The following SLC7A2 variants were observed in gnomAD, a reference collection of about 807,000 sequenced individuals.
The protein encoded by SLC7A2 is solute carrier family 7 member 2, also known as cationic amino acid transporter 2.
SLC7A2 carries 48 observed loss-of-function variants against 58.9 expected under a neutral mutation model. That is an observed-to-expected ratio of 0.82 (90% CI 0.65 to 1.04). The LOEUF (loss-of-function observed/expected upper bound fraction) is 1.04, where lower values mean the gene tolerates loss of function less well. SLC7A2 is among the 50% of genes least tolerant of loss of function. SLC7A2 has a pLI of 0.00. For missense variants in SLC7A2, 1,029 were observed against 818.8 expected, an observed-to-expected ratio of 1.26 and a Z score of -3.13; for synonymous variants, 363 against 314.5, an observed-to-expected ratio of 1.15 and a Z score of -1.63.
Position 17,568,858 on chromosome 8 carries a change from G to C in SLC7A2, c.*3712G>C, listed in dbSNP as rs1301100732. The C allele has an allele frequency of 6.6e-6, 1 of 152,310 alleles. No homozygotes were observed. Among genetic ancestry groups the C allele is most frequent in the Non-Finnish European group, 1.5e-5 (1 of 68,120 alleles). 9.4% of individuals were successfully genotyped at this position (152,310 alleles called of 1,614,324 possible). On this transcript the variant is annotated 3_prime_UTR_variant, in exon 13 of 13. Transcript: ENST00000494857. Reference sequence around the variant, plus strand: ...ATGCACATGTAGTCAGAGCTACTGGGGGTGCTGAGGTGGGAGGATCGCTTG... The same window carrying C: ...ATGCACATGTAGTCAGAGCTACTGGCGGTGCTGAGGTGGGAGGATCGCTTG...
intron 2 of SLC7A2, 137 bp from the exon 3 acceptor site, chr8:17,543,181 A>G: frequency 1.3e-6 from 1 of 787,008 alleles, no homozygotes; most frequent in South Asian, 2.2e-5. Flanking sequence ...ATCTCTTCTA[A>G]CAAGTGAAAC....
intron 2 of SLC7A2, among the ~76,000 whole-genome samples, chr8:17,528,259 A>G (rs73666181): frequency 0.01 from 1,574 of 152,244 alleles, 31 homozygotes; most frequent in African/African-American, 0.037. Context: ...AGTAGACAAA[A>G]TGGAGGACTA....
At chr8:17,535,189 A>C (rs1222921805) in intron 2 of SLC7A2, among the ~76,000 whole-genome samples, 2 of 152,022 alleles carry the variant, frequency 1.3e-5, no homozygotes, top group African/African-American at 4.8e-5. Flanking sequence ...AGCTCTGCTT[A>C]CCTCTGGCTT....
chr8:17,561,814 G>A (rs146944021), intron 10 of SLC7A2, 130 bp from the exon 11 acceptor site: 12,264 of 808,604 alleles, frequency 0.015, 349 homozygotes, highest in Admixed American at 0.096. Context: ...AGGGCAAGGC[G>A]AAGACTCTTT....
chr8:17,544,876 A>T (rs945225771), intron 4 of SLC7A2, among the ~76,000 whole-genome samples: 2 of 152,196 alleles, frequency 1.3e-5, no homozygotes, highest in Admixed American at 1.3e-4. Context: ...GATTTTTTAA[A>T]TCGTTAATTG....
chr8:17,533,171 G>C (rs553575030), intron 2 of SLC7A2, among the ~76,000 whole-genome samples: 2 of 152,126 alleles, frequency 1.3e-5, no homozygotes, highest in East Asian at 3.9e-4. Context: ...TCTGAAGCCA[G>C]TATGAACTTG....
At chr8:17,501,984 T>C (rs1800179542) in intron 1 of SLC7A2, among the ~76,000 whole-genome samples, 1 of 152,044 alleles carries the variant, frequency 6.6e-6, no homozygotes, top group Admixed American at 6.6e-5. Flanking sequence ...TTCTTACTAG[T>C]TTTTCCCACA....
Position 17,548,829 on chromosome 8 carries a change from A to G in SLC7A2, c.684A>G (p.Ile228Met). The change falls in exon 5 of 13, where the codon ATA (isoleucine) becomes ATG (methionine). Residue 228 changes from isoleucine (I) to methionine (M), a missense_variant. Coordinates refer to ENST00000494857, the MANE Select transcript of SLC7A2 (RefSeq NM_001370338.1). ...TTAGTGAAGAGTTTCTCAAAAATAT[A>G]TCAGCAAGTGCCAGGTAAAATATTT... ...WKISEEFLKN[I>M]SASAREPPSE... is the part of the protein sequence containing the mutation. 3 of 1,605,084 alleles carry G rather than the reference A, an allele frequency of 1.9e-6. No individual in the cohort carries two copies. The highest frequency in any genetic ancestry group is 2.5e-6 in the Non-Finnish European group (3 of 1,178,118).
At chr8:17,529,283 T>C (rs1801341045) in intron 2 of SLC7A2, among the ~76,000 whole-genome samples, 1 of 152,184 alleles carries the variant, frequency 6.6e-6, no homozygotes, top group Non-Finnish European at 1.5e-5. Context: ...TCTTCCCTTT[T>C]CTTAATGTTC....
intron 3 of SLC7A2, 116 bp downstream of exon 3, chr8:17,543,831 A>C: frequency 1.1e-6 from 1 of 911,658 alleles, no homozygotes; most frequent in Non-Finnish European, 1.6e-6. Context: ...TGTGTGTCTC[A>C]TTTTTGTCAT....
intron 10 of SLC7A2, 125 bp from the exon 11 acceptor site, chr8:17,561,819 C>T (rs1375184307): frequency 4.7e-6 from 4 of 844,064 alleles, no homozygotes; most frequent in Non-Finnish European, 7.5e-6. Context: ...AAGGCGAAGA[C>T]TCTTTGTATT....
Position 17,515,511 on chromosome 8 carries a change from G to T in SLC7A2, c.-23+13209G>T, listed in dbSNP as rs113566748. On this transcript the variant is annotated intron_variant, in intron 2 of 12. Transcript: ENST00000494857. ...GGGTTTCACCATGTTGGCCAGGATGGTTTTGATCTCCTGACCTCGTGATCT... is the reference window on the plus strand; with the variant it reads ...GGGTTTCACCATGTTGGCCAGGATGTTTTTGATCTCCTGACCTCGTGATCT... Among the ~76,000 whole-genome samples the T allele has an allele frequency of 1.6e-3, 251 of 152,162 alleles. 1 individual carries two copies. The highest frequency in any genetic ancestry group is 5.5e-3 in the African/African-American group (229 of 41,510).
intron 11 of SLC7A2, 103 bp from the exon 12 acceptor site, chr8:17,563,500 G>C (rs1803119197): frequency 1.4e-6 from 1 of 707,326 alleles, no homozygotes; most frequent in African/African-American, 1.8e-5. Context: ...GATTGACGTG[G>C]TGTGAAAGTA....
intron 2 of SLC7A2, among the ~76,000 whole-genome samples, chr8:17,528,712 A>T (rs1801319650): frequency 2.6e-5 from 4 of 152,156 alleles, no homozygotes; most frequent in Admixed American, 2.6e-4. Flanking sequence ...CCTGGTCATT[A>T]CACTTTGAAT....
intron 2 of SLC7A2, among the ~76,000 whole-genome samples, chr8:17,518,487 C>A (rs1800887988): frequency 1.3e-5 from 2 of 152,188 alleles, no homozygotes; most frequent in African/African-American, 4.8e-5. Context: ...TGGCAGTTAA[C>A]ACTTTGCTCA....
chr8:17,512,551 C>G (rs1387972755), intron 2 of SLC7A2, among the ~76,000 whole-genome samples: 1 of 152,060 alleles, frequency 6.6e-6, no homozygotes, highest in African/African-American at 2.4e-5. Flanking sequence ...CATCCCAAAA[C>G]AAACAAACAC....
At chr8:17,509,934 T>G (rs965430111) in intron 2 of SLC7A2, among the ~76,000 whole-genome samples, 1 of 151,998 alleles carries the variant, frequency 6.6e-6, no homozygotes, top group Non-Finnish European at 1.5e-5. Context: ...TAAGAGTGAA[T>G]TGAAGCCCGG....
rs1308715293 is a variant in SLC7A2 at position 17,497,221 on chromosome 8, AC to A, written c.-81del. On this transcript the variant is annotated 5_prime_UTR_variant, in exon 1 of 13. Coordinates refer to ENST00000494857, the MANE Select transcript of SLC7A2 (RefSeq NM_001370338.1). ...AGCCCACCGCCGCCTTCTTGGCGCG[AC>A]CCCAACCCAGCCCCAGTAAGTTGCT... 1 of 151,580 alleles carries A rather than the reference AC, an allele frequency of 6.6e-6. No homozygotes were observed. Among genetic ancestry groups the A allele is most frequent in the African/African-American group, 2.4e-5 (1 of 41,314 alleles). The allele number at this position is 151,580 out of a possible 1,614,324, so 9.4% of individuals were successfully genotyped here.
chr8:17,540,575 C>T (rs1301930746), intron 2 of SLC7A2, among the ~76,000 whole-genome samples: 1 of 152,048 alleles, frequency 6.6e-6, no homozygotes, highest in African/African-American at 2.4e-5. Context: ...CTGTGCATTT[C>T]TATAAGCAGT....
Sources: allele counts gnomAD v4.1 joint callset (sites outside exome capture counted in the v4.1 genomes callset), GRCh38; gene constraint gnomAD v4.1.1; transcripts MANE v1.5; gene names NCBI Gene and HGNC (gene_info 2026-07-23, HGNC 2026-07-21).